Variants in NALF1 observed in about 807,000 individuals in gnomAD.
The protein encoded by NALF1 is NALCN channel auxiliary factor 1.
In NALF1, 3 loss-of-function variants were observed where a neutral mutation model predicts 48.4. The ratio of observed to expected loss-of-function variants is 0.06; its 90% CI spans 0.03 to 0.16. The LOEUF (loss-of-function observed/expected upper bound fraction) is 0.16. Among genes scored for constraint, NALF1 ranks in the 10% least tolerant of loss-of-function variants. The pLI, the probability that NALF1 is intolerant of heterozygous loss-of-function variation, is 1.00. For missense variants in NALF1, 526 were observed against 571.5 expected (o/e 0.92, Z 0.81); for synonymous variants, 262 against 245.7 (o/e 1.07, Z -0.62).
intron 1 of NALF1, among the ~76,000 whole-genome samples, chr13:107,239,122 G>GA (rs1035548488): frequency 6.6e-6 from 1 of 151,700 alleles, no homozygotes; most frequent in East Asian, 1.9e-4. Context: ...GAAAGATGAA[G>GA]AAAAAAAAGG....
Position 107,299,545 on chromosome 13 carries a change from G to A in NALF1, c.916-88790C>T, listed in dbSNP as rs191052424. 1.2e-3 allele frequency among the ~76,000 whole-genome samples: 187 copies of A among 150,666 alleles called. 1 individual carries two copies. Among genetic ancestry groups the A allele is most frequent in the Admixed American group, 6.6e-3 (100 of 15,134 alleles). Reference sequence around the variant, plus strand: ...ACATCCTATTTTTCCTTAAACTTTCGCTGGCTGATTTTCCAATTGATAAGT... The same window carrying A: ...ACATCCTATTTTTCCTTAAACTTTCACTGGCTGATTTTCCAATTGATAAGT... On this transcript the variant is annotated intron_variant, in intron 1 of 2. Coordinates refer to ENST00000375915, the MANE Select transcript of NALF1 (RefSeq NM_001080396.3).
At chr13:107,394,429 T>C (rs1883677416) in intron 1 of NALF1, among the ~76,000 whole-genome samples, 1 of 152,146 alleles carries the variant, frequency 6.6e-6, no homozygotes, top group Non-Finnish European at 1.5e-5. Context: ...ATATAATTTA[T>C]CCTTCAGACT....
intron 1 of NALF1, among the ~76,000 whole-genome samples, chr13:107,501,152 G>A (rs2139078202): frequency 6.6e-6 from 1 of 152,150 alleles, no homozygotes; most frequent in South Asian, 2.1e-4. Flanking sequence ...TGTGTCTTCT[G>A]GAAGAGGAGA....
At chr13:107,600,766 A>C (rs1878901175) in intron 1 of NALF1, among the ~76,000 whole-genome samples, 1 of 152,256 alleles carries the variant, frequency 6.6e-6, no homozygotes, top group South Asian at 2.1e-4. Flanking sequence ...AAGGAGCACA[A>C]TGAATGATTG....
chr13:107,606,589 C>T (rs1005438240), intron 1 of NALF1, among the ~76,000 whole-genome samples: 4 of 152,050 alleles, frequency 2.6e-5, no homozygotes, highest in Non-Finnish European at 5.9e-5. Flanking sequence ...TGGTTTCGAA[C>T]TCCTGACCTC....
intron 1 of NALF1, among the ~76,000 whole-genome samples, chr13:107,434,234 T>C (rs1259036871): frequency 6.6e-6 from 1 of 152,182 alleles, no homozygotes; most frequent in Non-Finnish European, 1.5e-5. Context: ...TCTTAGTCAG[T>C]GGACTCTCAT....
At chr13:107,188,575 T>G (rs967521463) in intron 2 of NALF1, among the ~76,000 whole-genome samples, 39 of 152,180 alleles carry the variant, frequency 2.6e-4, no homozygotes, top group Non-Finnish European at 8.8e-5. Context: ...AAGTAGTTTT[T>G]GGGAGTAATG....
At chr13:107,531,591 T>C (rs932775438) in intron 1 of NALF1, among the ~76,000 whole-genome samples, 5 of 152,128 alleles carry the variant, frequency 3.3e-5, no homozygotes, top group Non-Finnish European at 5.9e-5. Context: ...TAATCATCAA[T>C]ATTATCTTAT....
intron 1 of NALF1, among the ~76,000 whole-genome samples, chr13:107,327,878 G>A (rs557186414): frequency 1.3e-5 from 2 of 152,078 alleles, no homozygotes; most frequent in Admixed American, 6.5e-5. Flanking sequence ...TCCAGCCACC[G>A]AAATCCTAGT....
intron 1 of NALF1, among the ~76,000 whole-genome samples, chr13:107,331,173 G>A (rs938524694): frequency 3.9e-5 from 6 of 152,074 alleles, no homozygotes; most frequent in Non-Finnish European, 7.4e-5. Flanking sequence ...AATATTGAAT[G>A]AAAATGACTG....
chr13:107,307,453 AT>A (rs1198521312), intron 1 of NALF1, among the ~76,000 whole-genome samples: 1 of 152,022 alleles, frequency 6.6e-6, no homozygotes. Flanking sequence ...TGATTGATTC[AT>A]TTGGATGATC....
chr13:107,703,011 G>A (rs1275986096), intron 1 of NALF1, among the ~76,000 whole-genome samples: 3 of 152,060 alleles, frequency 2.0e-5, no homozygotes, highest in Non-Finnish European at 4.4e-5. Flanking sequence ...GAACATATGT[G>A]TGCATGTATC....
intron 1 of NALF1, among the ~76,000 whole-genome samples, chr13:107,750,328 T>C (rs1448860363): frequency 2.6e-5 from 4 of 152,240 alleles, no homozygotes; most frequent in African/African-American, 9.6e-5. Flanking sequence ...ATCTTGGTGT[T>C]GCCTACAGTA....
intron 1 of NALF1, among the ~76,000 whole-genome samples, chr13:107,718,982 C>T (rs1352084335): frequency 3.3e-5 from 5 of 152,148 alleles, no homozygotes; most frequent in Non-Finnish European, 5.9e-5. Flanking sequence ...GGTGGTTTTG[C>T]ATAAGCATTT....
chr13:107,292,992 C>CT (rs55786928), intron 1 of NALF1, among the ~76,000 whole-genome samples: 77 of 110,626 alleles, frequency 7.0e-4, no homozygotes, highest in African/African-American at 1.4e-3. Context: ...TTTTCTTTTT[C>CT]TTTTTTTTTT....
chr13:107,586,074 C>G (rs1229302657), intron 1 of NALF1, among the ~76,000 whole-genome samples: 1 of 151,956 alleles, frequency 6.6e-6, no homozygotes, highest in Non-Finnish European at 1.5e-5. Context: ...ATTGATTTTA[C>G]TTATATTGAA....
Position 107,166,518 on chromosome 13 carries a change from C to T in NALF1, c.*3979G>A, listed in dbSNP as rs1424715366. The T allele has an allele frequency of 6.6e-6, 1 of 152,138 alleles. No homozygotes were observed. Among genetic ancestry groups the T allele is most frequent in the Admixed American group, 6.5e-5 (1 of 15,274 alleles). The allele number at this position is 152,138 out of a possible 1,614,324, so 9.4% of individuals were successfully genotyped here. On this transcript the variant is annotated 3_prime_UTR_variant, in exon 3 of 3. Transcript: ENST00000375915. Reference sequence around the variant, plus strand: ...CTTTCAGTTCTGTGTTGATTTAATGCTTTGAGTAGCAGGAAAATTGTAAAT... The same window carrying T: ...CTTTCAGTTCTGTGTTGATTTAATGTTTTGAGTAGCAGGAAAATTGTAAAT...
At chr13:107,650,578 G>T (rs2138467311) in intron 1 of NALF1, among the ~76,000 whole-genome samples, 1 of 151,896 alleles carries the variant, frequency 6.6e-6, no homozygotes, top group South Asian at 2.1e-4. Flanking sequence ...TTGGTGACTT[G>T]GGGAGAAGAA....
intron 1 of NALF1, among the ~76,000 whole-genome samples, chr13:107,352,186 A>G (rs552371863): frequency 6.6e-6 from 1 of 152,286 alleles, no homozygotes; most frequent in African/African-American, 2.4e-5. Flanking sequence ...ATCACTCCAC[A>G]GTCAGGAATG....
Sources: allele counts gnomAD v4.1 joint callset (sites outside exome capture counted in the v4.1 genomes callset), GRCh38; gene constraint gnomAD v4.1.1; transcripts MANE v1.5; gene names NCBI Gene and HGNC (gene_info 2026-07-23, HGNC 2026-07-21).